FGF14: variants seen among roughly 807,000 people sequenced by gnomAD.
FGF14 encodes the protein fibroblast growth factor 14, also known as fibroblast growth factor homologous factor 4.
Under a neutral mutation model 25.5 loss-of-function variants are expected in FGF14, and 5 were observed. The ratio of observed to expected loss-of-function variants is 0.20; its 90% CI spans 0.10 to 0.41. The LOEUF is 0.41. Among genes scored for constraint, FGF14 ranks in the 10% least tolerant of loss-of-function variants. The probability of loss-of-function intolerance (pLI) is 1.00; values close to 1 mark genes in which losing one functional copy is unlikely to be tolerated. For synonymous variants in FGF14, 138 were observed against 118.3 expected (o/e 1.17, Z -1.08); for missense variants, 222 against 320.1 (o/e 0.69, Z 2.34).
At chr13:102,034,105 G>T in intron 1 of FGF14, among the ~76,000 whole-genome samples, 1 of 152,080 alleles carries the variant, frequency 6.6e-6, no homozygotes, top group South Asian at 2.1e-4. Flanking sequence ...GAAAGGAGAA[G>T]ACTGCATAAT....
intron 1 of FGF14, among the ~76,000 whole-genome samples, chr13:102,378,195 T>C (rs1291459262): frequency 6.6e-6 from 1 of 152,150 alleles, no homozygotes; most frequent in East Asian, 1.9e-4. Context: ...ATGTAAACTA[T>C]GAACTCTGAG....
chr13:102,170,229 C>T (rs772325945), intron 1 of FGF14, among the ~76,000 whole-genome samples: 1 of 146,702 alleles, frequency 6.8e-6, no homozygotes, highest in Non-Finnish European at 1.5e-5. Flanking sequence ...AGATACTAAT[C>T]GTTTTCTGTT....
rs188520685 is a variant in FGF14, at chr13:102,013,337, T to C, written c.209-138041A>G. On this transcript the variant is annotated intron_variant, in intron 1 of 4. Coordinates refer to the FGF14 transcript ENST00000376131. ...TAAAAATTGGATCAATCATAAGCCT[T>C]TCTGAGAAAACCATGAGAATAAATG... 2.3e-3 allele frequency among the ~76,000 whole-genome samples: 346 copies of C among 152,316 alleles called. 2 individuals carry two copies. The highest frequency in any genetic ancestry group is 7.6e-3 in the African/African-American group (315 of 41,578).
At chr13:102,347,588 A>G (rs1363986246) in intron 1 of FGF14, among the ~76,000 whole-genome samples, 1 of 152,170 alleles carries the variant, frequency 6.6e-6, no homozygotes. Context: ...GCCCTCTCGC[A>G]CTTTTGCATA....
At chr13:101,867,916 A>G (rs1594542471) in intron 3 of FGF14, among the ~76,000 whole-genome samples, 1 of 149,968 alleles carries the variant, frequency 6.7e-6, no homozygotes. Flanking sequence ...ACACACACAC[A>G]CACACACACA....
intron 1 of FGF14, among the ~76,000 whole-genome samples, chr13:102,275,252 CTCTCTCTCTT>C (rs60923169): frequency 0.097 from 10,283 of 105,698 alleles, 764 homozygotes; most frequent in East Asian, 0.3. Flanking sequence ...CTCTCTCTCT[CTCTCTCTCTT>C]TCTCTCTCTC....
chr13:102,096,977 T>C (rs2044431747), intron 1 of FGF14, among the ~76,000 whole-genome samples: 1 of 152,128 alleles, frequency 6.6e-6, no homozygotes, highest in African/African-American at 2.4e-5. Flanking sequence ...CTCATATAAA[T>C]TCCCATACTT....
At chr13:101,890,640 T>G (rs2046220016) in intron 1 of FGF14, among the ~76,000 whole-genome samples, 1 of 152,136 alleles carries the variant, frequency 6.6e-6, no homozygotes, top group Non-Finnish European at 1.5e-5. Flanking sequence ...ACAAAATGTT[T>G]CCCAGTCAAG....
intron 1 of FGF14, among the ~76,000 whole-genome samples, chr13:102,133,919 G>A (rs930164457): frequency 6.6e-5 from 10 of 152,162 alleles, no homozygotes; most frequent in African/African-American, 2.2e-4. Flanking sequence ...AAACTGACAC[G>A]CTTCACTTTT....
chr13:101,918,925 G>T (rs1419039431), upstream of FGF14, among the ~76,000 whole-genome samples: 1 of 152,076 alleles, frequency 6.6e-6, no homozygotes, highest in African/African-American at 2.4e-5. Context: ...GAGTTGTTTT[G>T]CTAGAAACTT....
At chr13:101,973,121 T>A (rs202124650) in intron 1 of FGF14, among the ~76,000 whole-genome samples, 47,904 of 121,656 alleles carry the variant, frequency 0.39, 7,268 homozygotes, top group East Asian at 0.66. Context: ...GTGTGCTTCT[T>A]TTTTTTTTTT....
intron 1 of FGF14, among the ~76,000 whole-genome samples, chr13:102,137,638 T>C (rs2046468561): frequency 6.6e-6 from 1 of 151,530 alleles, no homozygotes; most frequent in African/African-American, 2.4e-5. Flanking sequence ...CCAGGCATAA[T>C]AATTAATAAC....
chr13:101,943,515 T>G (rs1217507331), intron 1 of FGF14, among the ~76,000 whole-genome samples: 1 of 152,166 alleles, frequency 6.6e-6, no homozygotes, highest in Non-Finnish European at 1.5e-5. Flanking sequence ...AGACAGCCCC[T>G]CACAACAAAG....
At chr13:101,886,761 C>A (rs1370004122) in intron 1 of FGF14, among the ~76,000 whole-genome samples, 1 of 152,006 alleles carries the variant, frequency 6.6e-6, no homozygotes, top group Non-Finnish European at 1.5e-5. Flanking sequence ...GAGACACAAC[C>A]TACAGAATGA....
At chr13:102,014,836 G>A (rs922289302) in intron 1 of FGF14, among the ~76,000 whole-genome samples, 13 of 152,140 alleles carry the variant, frequency 8.5e-5, no homozygotes, top group African/African-American at 2.9e-4. Flanking sequence ...GAGGGCATGA[G>A]AATTAAGAAC....
chr13:102,294,501 T>C (rs2054595628), intron 1 of FGF14, among the ~76,000 whole-genome samples: 1 of 152,074 alleles, frequency 6.6e-6, no homozygotes, highest in African/African-American at 2.4e-5. Flanking sequence ...CAGCAGGGAA[T>C]TTATTTCATG....
At chr13:102,111,733 AAGAT>A (rs2045237525) in intron 1 of FGF14, among the ~76,000 whole-genome samples, 1 of 151,488 alleles carries the variant, frequency 6.6e-6, no homozygotes, top group African/African-American at 2.4e-5. Context: ...AAAAAAAAAA[AAGAT>A]AGTCTCATGT....
intron 3 of FGF14, among the ~76,000 whole-genome samples, chr13:101,829,284 T>C (rs2042557683): frequency 6.6e-6 from 1 of 152,122 alleles, no homozygotes; most frequent in Non-Finnish European, 1.5e-5. Flanking sequence ...CAGGGTAATA[T>C]TAGCTTTGAA....
chr13:102,160,049 CCT>C (rs1302887873), intron 1 of FGF14, among the ~76,000 whole-genome samples: 3 of 152,156 alleles, frequency 2.0e-5, no homozygotes, highest in Non-Finnish European at 2.9e-5. Flanking sequence ...AAGGCTGTCT[CCT>C]CTCTGCACGG....
Sources: allele counts gnomAD v4.1 joint callset (sites outside exome capture counted in the v4.1 genomes callset), GRCh38; gene constraint gnomAD v4.1.1; transcripts MANE v1.5; gene names NCBI Gene and HGNC (gene_info 2026-07-23, HGNC 2026-07-21).